FGGY: variants seen among roughly 807,000 people sequenced by gnomAD.
FGGY encodes FGGY carbohydrate kinase domain-containing protein.
Under a neutral mutation model 71.3 loss-of-function variants are expected in FGGY, and 72 were observed. The observed-to-expected ratio is 1.01, with a 90% confidence interval of 0.84 to 1.23. FGGY has a LOEUF of 1.23. Ranked by LOEUF, FGGY falls within the 50% of genes most tolerant of loss-of-function variation. FGGY has a pLI of 0.00. For synonymous variants in FGGY, 251 were observed against 250.3 expected, an observed-to-expected ratio of 1.00 and a Z score of -0.02; for missense variants, 668 against 682.3, an observed-to-expected ratio of 0.98 and a Z score of 0.23.
chr1:59,655,085 G>T (rs2097205932), intron 11 of FGGY, among the ~76,000 whole-genome samples: 1 of 152,108 alleles, frequency 6.6e-6, no homozygotes, highest in Admixed American at 6.5e-5. Context: ...TCCCTACACT[G>T]AACAGTCACT....
At chr1:59,661,082 A>G (rs1340834135) in intron 12 of FGGY, among the ~76,000 whole-genome samples, 1 of 152,240 alleles carries the variant, frequency 6.6e-6, no homozygotes, top group Non-Finnish European at 1.5e-5. Flanking sequence ...AACAGAAAGG[A>G]AAAATCAGTT....
At chr1:59,752,986 A>C (rs1422351341) in intron 14 of FGGY, among the ~76,000 whole-genome samples, 1 of 152,214 alleles carries the variant, frequency 6.6e-6, no homozygotes, top group Admixed American at 6.5e-5. Flanking sequence ...GCTATTTTAC[A>C]AAATATTTTG....
At chr1:59,661,801 G>T (rs1465418004) in intron 12 of FGGY, among the ~76,000 whole-genome samples, 1 of 151,408 alleles carries the variant, frequency 6.6e-6, no homozygotes, top group Non-Finnish European at 1.5e-5. Flanking sequence ...CTCACTGCAA[G>T]CTCCACCTCC....
At chr1:59,717,777 A>T (rs905368750) in intron 14 of FGGY, among the ~76,000 whole-genome samples, 7 of 152,234 alleles carry the variant, frequency 4.6e-5, no homozygotes, top group Non-Finnish European at 1.0e-4. Flanking sequence ...CAAGAATTAT[A>T]TGCTGATTGA....
At chr1:59,656,405 G>A (rs1308875683) in intron 11 of FGGY, among the ~76,000 whole-genome samples, 1 of 152,114 alleles carries the variant, frequency 6.6e-6, no homozygotes, top group Non-Finnish European at 1.5e-5. Context: ...ACCTCCCTTC[G>A]AAGACAGCTC....
chr1:59,555,165 C>T (rs1000882724), intron 8 of FGGY, among the ~76,000 whole-genome samples: 1 of 152,114 alleles, frequency 6.6e-6, no homozygotes, highest in African/African-American at 2.4e-5. Context: ...AGAATGACAT[C>T]GGCTCAGTGG....
chr1:59,458,972 T>A (rs1055295312), intron 6 of FGGY, among the ~76,000 whole-genome samples: 4 of 152,224 alleles, frequency 2.6e-5, no homozygotes, highest in African/African-American at 9.6e-5. Flanking sequence ...CTATGAAGTG[T>A]TAAACATTTC....
intron 6 of FGGY, among the ~76,000 whole-genome samples, chr1:59,511,233 C>G (rs192033526): frequency 6.6e-6 from 1 of 152,312 alleles, no homozygotes; most frequent in East Asian, 1.9e-4. Context: ...TCTGACCCCT[C>G]TCCCAACCTC....
intron 5 of FGGY, among the ~76,000 whole-genome samples, chr1:59,426,606 C>T (rs1053414387): frequency 6.6e-6 from 1 of 152,200 alleles, no homozygotes; most frequent in Non-Finnish European, 1.5e-5. Context: ...GAGGCCATCC[C>T]TGAATTTCTA....
intron 5 of FGGY, among the ~76,000 whole-genome samples, chr1:59,420,839 C>T (rs1380386741): frequency 6.6e-6 from 1 of 150,674 alleles, no homozygotes; most frequent in African/African-American, 2.4e-5. Flanking sequence ...TCCCAGTAAT[C>T]ACAAAGAGGC....
At position 59,590,966 on chromosome 1, in the gene FGGY, G is replaced by A. The variant is rs186433770; in HGVS notation, c.904-16837G>A. Among the ~76,000 whole-genome samples the A allele has an allele frequency of 4.9e-3, 745 of 152,232 alleles. 8 individuals carry two copies. Among genetic ancestry groups the A allele is most frequent in the African/African-American group, 0.017 (706 of 41,536 alleles). On this transcript the variant is annotated intron_variant, in intron 8 of 15. Coordinates refer to ENST00000303721, the MANE Select transcript of FGGY (RefSeq NM_018291.5). ...CAATTAGGCAGGAGAAGGAAAGAAA[G>A]GGTATTCAATTAGGAAAAGAGGAAG...
chr1:59,494,513 C>A (rs1161578113), intron 6 of FGGY, among the ~76,000 whole-genome samples: 2 of 152,158 alleles, frequency 1.3e-5, no homozygotes, highest in Non-Finnish European at 2.9e-5. Context: ...GTAAAAAATG[C>A]AGAACCTTGT....
intron 5 of FGGY, among the ~76,000 whole-genome samples, chr1:59,406,470 T>C (rs1023847850): frequency 1.3e-5 from 2 of 152,204 alleles, no homozygotes; most frequent in Middle Eastern, 3.2e-3. Flanking sequence ...AAAGCTGCGA[T>C]GTGCCTTACA....
At chr1:59,559,720 A>G (rs2095754925) in intron 8 of FGGY, among the ~76,000 whole-genome samples, 2 of 152,190 alleles carry the variant, frequency 1.3e-5, no homozygotes, top group South Asian at 4.1e-4. Context: ...GAAGTTCTCA[A>G]CAAAAAAGAT....
At chr1:59,466,508 A>T (rs2092638002) in intron 6 of FGGY, among the ~76,000 whole-genome samples, 1 of 152,248 alleles carries the variant, frequency 6.6e-6, no homozygotes, top group South Asian at 2.1e-4. Context: ...GACAAATGGG[A>T]TCTCATTAAA....
intron 6 of FGGY, among the ~76,000 whole-genome samples, chr1:59,510,794 G>A (rs754723166): frequency 1.3e-4 from 20 of 151,900 alleles, no homozygotes; most frequent in Non-Finnish European, 2.2e-4. Context: ...TGTATTTTCC[G>A]CTTAACACCT....
In FGGY at chr1:59,363,119, A is replaced by G. The variant is rs187181219; in HGVS notation, c.466-15630A>G. Among the ~76,000 whole-genome samples the G allele has an allele frequency of 2.5e-4, 38 of 152,334 alleles. No individual in the cohort carries two copies. In the East Asian group the frequency reaches 7.1e-3, roughly 29 times the overall value. The stretch of plus-strand genomic sequence containing the variant: ...AAACTAATGTTTACTAGGAGTGTAC[A>G]AGAATGGGCACATGAACATGTATAA... On this transcript the variant is annotated intron_variant, in intron 4 of 15. Coordinates refer to ENST00000303721, the MANE Select transcript of FGGY (RefSeq NM_018291.5).
chr1:59,340,640 C>G (rs1288517588), intron 3 of FGGY, among the ~76,000 whole-genome samples: 3 of 152,176 alleles, frequency 2.0e-5, no homozygotes, highest in African/African-American at 4.8e-5. Context: ...TAAAGTGCTA[C>G]TTGGGTCCAC....
intron 5 of FGGY, among the ~76,000 whole-genome samples, chr1:59,425,871 G>A (rs1337969413): frequency 1.3e-5 from 2 of 152,124 alleles, no homozygotes; most frequent in Admixed American, 1.3e-4. Context: ...TGGTATTGGA[G>A]CCAAATAATG....
Sources: gnomAD v4.1 joint callset for allele counts (sites outside exome capture counted in the v4.1 genomes callset) on GRCh38, gnomAD v4.1.1 for gene constraint, MANE v1.5 for transcripts, NCBI Gene and HGNC (gene_info 2026-07-23, HGNC 2026-07-21) for gene names.